The following ATP2B2 variants were observed in gnomAD, a reference collection of about 807,000 sequenced individuals.
ATP2B2 encodes the protein ATPase plasma membrane Ca2+ transporting 2.
A neutral mutation model predicts 120.0 loss-of-function variants in ATP2B2; 15 were observed. The observed-to-expected ratio is 0.12, with a 90% CI of 0.08 to 0.19. The LOEUF is 0.19. Among genes scored for constraint, ATP2B2 ranks in the 10% least tolerant of loss-of-function variants. ATP2B2 has a pLI of 1.00. For missense variants in ATP2B2, 1,045 were observed against 1,719.8 expected, an observed-to-expected ratio of 0.61 and a Z score of 6.94; for synonymous variants, 694 against 700.3, an observed-to-expected ratio of 0.99 and a Z score of 0.14.
At chr3:10,576,968 T>G (rs1345213963) in intron 2 of ATP2B2, among the ~76,000 whole-genome samples, 1 of 149,614 alleles carries the variant, frequency 6.7e-6, no homozygotes, top group Non-Finnish European at 1.5e-5. Context: ...GCAGGAGAAT[T>G]GCTTGAACCT....
intron 2 of ATP2B2, among the ~76,000 whole-genome samples, chr3:10,590,594 G>A (rs1324782803): frequency 6.6e-6 from 1 of 152,194 alleles, no homozygotes; most frequent in Non-Finnish European, 1.5e-5. Flanking sequence ...TGAAGAAAGA[G>A]GCACAGCTGC....
rs1031804531 is a variant in ATP2B2, at chr3:10,329,849, G to A, written c.3421-724C>T. On this transcript the variant is annotated intron_variant, in intron 22 of 22. Transcript: ENST00000360273. This position sits in a 1 kb window ranked among gnomAD's most constrained non-coding sequence, Gnocchi z 5.9. ...GCCACGGGGAGGCCGGGAGCCACATGGCACACACAGACAGACACACGGCTA... is the reference window on the plus strand; with the variant it reads ...GCCACGGGGAGGCCGGGAGCCACATAGCACACACAGACAGACACACGGCTA... 6.6e-6 allele frequency among the ~76,000 whole-genome samples: 1 copy of A among 152,174 alleles called. No individual in the cohort carries two copies. The highest frequency in any genetic ancestry group is 2.4e-5 in the African/African-American group (1 of 41,440).
At chr3:10,636,116 G>A (rs2070014675) in intron 1 of ATP2B2, among the ~76,000 whole-genome samples, 1 of 152,214 alleles carries the variant, frequency 6.6e-6, no homozygotes. Context: ...AGACTGGCAC[G>A]TGATGTGCTA....
intron 2 of ATP2B2, among the ~76,000 whole-genome samples, chr3:10,596,707 C>T (rs751358593): frequency 2.0e-5 from 3 of 152,222 alleles, no homozygotes; most frequent in Non-Finnish European, 4.4e-5. Flanking sequence ...AAAAGAGAAC[C>T]AGGGTTTCCT....
At chr3:10,596,992 TGCACACGCACACAGGC>T (rs1382318952) in intron 2 of ATP2B2, among the ~76,000 whole-genome samples, 1 of 138,602 alleles carries the variant, frequency 7.2e-6, no homozygotes, top group Non-Finnish European at 1.6e-5. Context: ...CACACGCAGG[TGCACACGCACACAGGC>T]ACACACGCAC....
At chr3:10,475,135 G>A (rs2065155245) in intron 1 of ATP2B2, among the ~76,000 whole-genome samples, 1 of 152,252 alleles carries the variant, frequency 6.6e-6, no homozygotes, top group African/African-American at 2.4e-5. Context: ...TGGCCACACT[G>A]AACATTTGCT....
chr3:10,510,905 C>G (rs1460803368), intron 3 of ATP2B2, among the ~76,000 whole-genome samples: 1 of 152,212 alleles, frequency 6.6e-6, no homozygotes, highest in Non-Finnish European at 1.5e-5. Flanking sequence ...CTCCCCCCTC[C>G]TCCCCTGCCA....
In ATP2B2 at chr3:10,371,987, G is replaced by A. The variant is rs1359976671; in HGVS notation, c.1481C>T (p.Thr494Ile). The change falls in exon 12 of 23, where the codon ACA becomes ATA. Residue 494 changes from threonine (T) to isoleucine (I), a missense_variant. Coordinates refer to ENST00000360273, the MANE Select transcript of ATP2B2 (RefSeq NM_001001331.4). ...GCCTGTCTTGTCTGAGCAGATGGCT[G>A]TGGCATTGCCCATGGTCTCACAGGC... ...LDACETMGNA[T>I]AICSDKTGTL... 3 of 1,614,088 alleles carry A rather than the reference G, an allele frequency of 1.9e-6. No homozygotes were observed. Among genetic ancestry groups the A allele is most frequent in the Non-Finnish European group, 2.5e-6 (3 of 1,180,050 alleles).
chr3:10,557,075 C>T (rs1575493398), intron 2 of ATP2B2, among the ~76,000 whole-genome samples: 1 of 152,138 alleles, frequency 6.6e-6, no homozygotes, highest in South Asian at 2.1e-4. Flanking sequence ...CTCTGAGTCC[C>T]GAGAAGTGGT....
chr3:10,590,660 G>A (rs1193263985), intron 2 of ATP2B2, among the ~76,000 whole-genome samples: 3 of 152,202 alleles, frequency 2.0e-5, no homozygotes, highest in Non-Finnish European at 4.4e-5. Context: ...TGGCCACCCA[G>A]GGCCATGGGA....
At chr3:10,379,849 T>C (rs2061484004) in intron 8 of ATP2B2, among the ~76,000 whole-genome samples, 1 of 151,976 alleles carries the variant, frequency 6.6e-6, no homozygotes, top group Non-Finnish European at 1.5e-5. Flanking sequence ...CTGAGGTCAA[T>C]GTGTTCCTTA....
Position 10,325,979 on chromosome 3 carries a change from C to CT in ATP2B2, c.*2834dup, listed in dbSNP as rs1016945541. Reference sequence around the variant, plus strand: ...ATGTTCTGTTTGATGTTGTTTTTTGCTTTTTTTTTTAAACCACAAACATTT... The same window carrying CT: ...ATGTTCTGTTTGATGTTGTTTTTTGCTTTTTTTTTTTAAACCACAAACATTT... On this transcript the variant is annotated 3_prime_UTR_variant, in exon 23 of 23. Coordinates refer to ENST00000360273, the MANE Select transcript of ATP2B2 (RefSeq NM_001001331.4). 2.2e-4 allele frequency: 32 copies of CT among 148,568 alleles called. No homozygotes were observed. Among genetic ancestry groups the CT allele is most frequent in the South Asian group, 8.6e-4 (4 of 4,674 alleles). 9.2% of individuals were successfully genotyped at this position (148,568 alleles called of 1,614,324 possible).
At chr3:10,406,682 C>T (rs943219178) in intron 3 of ATP2B2, among the ~76,000 whole-genome samples, 3 of 152,200 alleles carry the variant, frequency 2.0e-5, no homozygotes, top group Non-Finnish European at 4.4e-5. Context: ...CATGACATGT[C>T]CCTGTCGTTA....
At chr3:10,353,019 C>T (rs771376274) in intron 14 of ATP2B2, among the ~76,000 whole-genome samples, 10 of 152,226 alleles carry the variant, frequency 6.6e-5, no homozygotes, top group Non-Finnish European at 1.2e-4. Flanking sequence ...CCTCTGCTTG[C>T]ACACCCGATG....
chr3:10,398,233 A>G (rs1372679980), intron 5 of ATP2B2, among the ~76,000 whole-genome samples: 1 of 152,140 alleles, frequency 6.6e-6, no homozygotes, highest in African/African-American at 2.4e-5. Context: ...CCAGCGACCC[A>G]AGAACCAGCA....
intron 2 of ATP2B2, among the ~76,000 whole-genome samples, chr3:10,573,874 A>C (rs1215643010): frequency 6.6e-6 from 1 of 152,178 alleles, no homozygotes; most frequent in Non-Finnish European, 1.5e-5. Context: ...CTGTCAGCCC[A>C]GCAAATACGG....
At chr3:10,687,986 G>C (rs558401029) in intron 1 of ATP2B2, among the ~76,000 whole-genome samples, 1 of 152,136 alleles carries the variant, frequency 6.6e-6, no homozygotes, top group Non-Finnish European at 1.5e-5. Context: ...TATGGGACAA[G>C]CACTGGTTTT....
intron 1 of ATP2B2, among the ~76,000 whole-genome samples, chr3:10,494,214 C>T (rs976135778): frequency 2.0e-5 from 3 of 152,086 alleles, no homozygotes; most frequent in Non-Finnish European, 4.4e-5. Context: ...GTGAAAGGTG[C>T]TCCCTCCCTA....
At chr3:10,499,705 C>T (rs1386235815) in intron 1 of ATP2B2, among the ~76,000 whole-genome samples, 1 of 152,106 alleles carries the variant, frequency 6.6e-6, no homozygotes, top group South Asian at 2.1e-4. Context: ...CTTGAAGCTC[C>T]CCTGCCTGTC....
Sources: allele counts gnomAD v4.1 joint callset (sites outside exome capture counted in the v4.1 genomes callset), GRCh38; gene constraint gnomAD v4.1.1; non-coding constraint Gnocchi (gnomAD v3.1); transcripts MANE v1.5; gene names NCBI Gene and HGNC (gene_info 2026-07-23, HGNC 2026-07-21).